Variants in KANSL3 observed in about 807,000 individuals in gnomAD.
KANSL3 encodes the protein KAT8 regulatory NSL complex subunit 3, also known as NSL complex protein NSL3.
In KANSL3, 16 loss-of-function variants were observed where a neutral mutation model predicts 89.2. The ratio of observed to expected loss-of-function variants is 0.18; its 90% CI spans 0.12 to 0.27. KANSL3 has a LOEUF of 0.27. Among genes scored for constraint, KANSL3 ranks in the 10% least tolerant of loss-of-function variants. The pLI is 1.00. For synonymous variants in KANSL3, 385 were observed against 419.7 expected (o/e 0.92, Z 1.01); for missense variants, 879 against 1,110.6 (o/e 0.79, Z 2.96).
chr2:96,609,416 G>A, intron 12 of KANSL3, 83 bp downstream of exon 12: 1 of 1,271,948 alleles, frequency 7.9e-7, no homozygotes, highest in African/African-American at 1.5e-5. Context: ...TAGAGCCAAA[G>A]AGACCACTAC....
chr2:96,585,920 C>G, the KANSL3 span, among the ~76,000 whole-genome samples: 27 of 152,220 alleles, frequency 1.8e-4, 1 homozygote, highest in Non-Finnish European at 3.5e-4. Flanking sequence ...TATAAGGACA[C>G]AAAGGCATAA....
chr2:96,598,848 T>G (rs2066804194), intron 20 of KANSL3, among the ~76,000 whole-genome samples: 1 of 142,852 alleles, frequency 7.0e-6, no homozygotes, highest in Non-Finnish European at 1.5e-5. Context: ...AGGCAGAGGT[T>G]GCAGTGAGCT....
In KANSL3 at chr2:96,594,781, ATCCTTCAAGCCACT is replaced by A. The variant is rs1290238254; in HGVS notation, c.*816_*829del. ...CACAAACCACAGGGCTTACTAGCAC[ATCCTTCAAGCCACT>A]TCCTTTGCTGTTCTATTACTCTTCT... On this transcript the variant is annotated 3_prime_UTR_variant, in exon 21 of 21. Coordinates refer to ENST00000431828, the MANE Select transcript of KANSL3 (RefSeq NM_001115016.3). The A allele has an allele frequency of 6.6e-6, 1 of 152,232 alleles. No homozygotes were observed. Among genetic ancestry groups the A allele is most frequent in the Non-Finnish European group, 1.5e-5 (1 of 68,044 alleles). The allele number at this position is 152,232 out of a possible 1,614,324, so 9.4% of individuals were successfully genotyped here.
At chr2:96,626,491 T>C (rs553386432) in intron 3 of KANSL3, among the ~76,000 whole-genome samples, 8 of 152,016 alleles carry the variant, frequency 5.3e-5, no homozygotes, top group African/African-American at 1.9e-4. Context: ...AAAAGGAAAA[T>C]GGGGTGTTTT....
intron 17 of KANSL3, 38 bp downstream of exon 17, chr2:96,604,212 T>C: frequency 1.3e-6 from 2 of 1,547,762 alleles, no homozygotes; most frequent in South Asian, 1.2e-5. Context: ...GACCAAAAAT[T>C]CTGTGTTGGA....
intron 5 of KANSL3, among the ~76,000 whole-genome samples, chr2:96,614,540 G>C (rs1330423319): frequency 2.0e-5 from 3 of 152,132 alleles, no homozygotes; most frequent in Non-Finnish European, 4.4e-5. Context: ...AGAAGCCAAG[G>C]TGGGCAGATC....
At chr2:96,600,298 C>T (rs1473307097) in intron 20 of KANSL3, 1 of 393,960 alleles carries the variant, frequency 2.5e-6, no homozygotes, top group Non-Finnish European at 3.5e-6. Context: ...CAGTGAACAT[C>T]ATCTCTAGGA....
At chr2:96,634,981 C>A (rs2074043547) in intron 2 of KANSL3, among the ~76,000 whole-genome samples, 1 of 152,206 alleles carries the variant, frequency 6.6e-6, no homozygotes, top group Non-Finnish European at 1.5e-5. Context: ...CATAGCAGAT[C>A]CTATTAACCT....
At chr2:96,632,752 G>A (rs541685129) in intron 2 of KANSL3, among the ~76,000 whole-genome samples, 2 of 152,100 alleles carry the variant, frequency 1.3e-5, no homozygotes, top group South Asian at 2.1e-4. Context: ...GGTGGATCAC[G>A]AGGTCAGATC....
chr2:96,621,157 A>G (rs943212146), intron 3 of KANSL3, among the ~76,000 whole-genome samples: 1 of 152,238 alleles, frequency 6.6e-6, no homozygotes, highest in Non-Finnish European at 1.5e-5. Flanking sequence ...TGATCCCTAC[A>G]TATCATTCTA....
intron 19 of KANSL3, 90 bp from the exon 20 acceptor site, chr2:96,601,866 T>G: frequency 6.8e-7 from 1 of 1,461,188 alleles, no homozygotes; most frequent in Non-Finnish European, 9.0e-7. Context: ...CTCCCCCACA[T>G]AACACAGTCC....
At chr2:96,633,954 A>G (rs2073885774) in intron 2 of KANSL3, among the ~76,000 whole-genome samples, 2 of 152,230 alleles carry the variant, frequency 1.3e-5, no homozygotes, top group Non-Finnish European at 2.9e-5. Flanking sequence ...CAGTTACCAC[A>G]CTGGACATCC....
chr2:96,597,209 C>T (rs2066623370), intron 20 of KANSL3, among the ~76,000 whole-genome samples: 1 of 152,164 alleles, frequency 6.6e-6, no homozygotes, highest in African/African-American at 2.4e-5. Context: ...TCCGTAATAT[C>T]AACAACTATC....
In KANSL3 at chr2:96,619,665, G is replaced by A. The variant is rs755600747; in HGVS notation, c.477+7C>T. On this transcript the variant is annotated splice_region_variant and intron_variant, in intron 4 of 20. Coordinates refer to ENST00000431828, the MANE Select transcript of KANSL3 (RefSeq NM_001115016.3). ...AGCCCACTGTGGGCGGATTGCTGGT[G>A]TCTTACCCCTTCGTTGGCCAAGCGG... The A allele has an allele frequency of 2.5e-5, 39 of 1,575,472 alleles. No individual in the cohort carries two copies. The highest frequency in any genetic ancestry group is 3.1e-5 in the Non-Finnish European group (36 of 1,161,124).
intron 20 of KANSL3, chr2:96,598,230 T>C (rs2066731343): frequency 1.6e-6 from 1 of 637,208 alleles, no homozygotes; most frequent in Non-Finnish European, 2.0e-6. Flanking sequence ...ATTTCTGTAC[T>C]ATAAAACTGT....
At chr2:96,609,626 G>A in intron 11 of KANSL3, 64 bp from the exon 12 acceptor site, 2 of 1,422,446 alleles carry the variant, frequency 1.4e-6, no homozygotes, top group Non-Finnish European at 9.9e-7. Flanking sequence ...ATGAAAATAA[G>A]AACGTATTTC....
At position 96,602,224 on chromosome 2, in the gene KANSL3, T is replaced by C. The variant is rs767434248; in HGVS notation, c.2374A>G (p.Thr792Ala). 4.5e-5 allele frequency: 72 copies of C among 1,610,080 alleles called. No individual in the cohort carries two copies. The highest frequency in any genetic ancestry group is 5.9e-5 in the Non-Finnish European group (69 of 1,178,526). Residue 792 changes from threonine to alanine, a missense_variant, in exon 19 of 21, where the codon ACT (threonine) becomes GCT (alanine). By Grantham distance (58) the Thr-to-Ala change is moderately conservative. Around this residue, in one of 6 missense-constraint regions of KANSL3, gnomAD observed 89 missense variants for 139.7 expected, o/e 0.64. Transcript: ENST00000431828. The stretch of plus-strand genomic sequence containing the variant: ...ATGGCTGTGGGCTTCCCACCAGGAG[T>C]GGCACCCAAGGAGGAGAGAGTGGTG... Reference protein sequence around the residue: ...VATTLSSLGATPGGKPTAIHQ... With the variant: ...VATTLSSLGAAPGGKPTAIHQ...
chr2:96,613,662 G>A, intron 5 of KANSL3, 43 bp from the exon 6 acceptor site: 1 of 1,591,772 alleles, frequency 6.3e-7, no homozygotes, highest in Admixed American at 1.7e-5. Flanking sequence ...TGTAAAGCAG[G>A]AGACCTTCCA....
chr2:96,619,585 C>G, intron 4 of KANSL3, 41 bp from the exon 5 acceptor site: 1 of 1,610,414 alleles, frequency 6.2e-7, no homozygotes, highest in Non-Finnish European at 8.5e-7. Flanking sequence ...TGAGGACTAC[C>G]TGGTTAACAA....
Sources: gnomAD v4.1 joint callset for allele counts (sites outside exome capture counted in the v4.1 genomes callset) on GRCh38, gnomAD v4.1.1 for gene constraint, gnomAD v4.1.1 regional missense constraint, MANE v1.5 for transcripts, NCBI Gene and HGNC (gene_info 2026-07-23, HGNC 2026-07-21) for gene names.